Variants in FAM178B observed in about 807,000 individuals in gnomAD.
FAM178B encodes family with sequence similarity 178 member B, also known as protein FAM178B.
A neutral mutation model predicts 91.7 loss-of-function variants in FAM178B; 82 were observed. The ratio of observed to expected loss-of-function variants is 0.89; its 90% CI spans 0.75 to 1.07. The LOEUF (loss-of-function observed/expected upper bound fraction) is 1.07. Ranked by LOEUF, FAM178B falls within the 50% of genes least tolerant of loss-of-function variation. FAM178B has a pLI of 0.00. For missense variants in FAM178B, 769 were observed against 846.7 expected (o/e 0.91, Z 1.14); for synonymous variants, 368 against 359.4 (o/e 1.02, Z -0.27).
chr2:96,969,742 C>T (rs1433010596), intron 4 of FAM178B, among the ~76,000 whole-genome samples: 1 of 152,224 alleles, frequency 6.6e-6, no homozygotes, highest in Non-Finnish European at 1.5e-5. Flanking sequence ...AGGAGCTGAA[C>T]AACACAAGTT....
chr2:96,901,598 T>C (rs2080933456), intron 13 of FAM178B, among the ~76,000 whole-genome samples: 1 of 152,196 alleles, frequency 6.6e-6, no homozygotes, highest in Non-Finnish European at 1.5e-5. Context: ...ACAGTATTTG[T>C]TTTTATGCTT....
chr2:96,937,356 A>T (rs1474578174), intron 8 of FAM178B, among the ~76,000 whole-genome samples: 1 of 152,142 alleles, frequency 6.6e-6, no homozygotes, highest in South Asian at 2.1e-4. Context: ...TTTGGGCTCC[A>T]CTGAGCTAGG....
chr2:96,969,094 C>T (rs1438847150), intron 4 of FAM178B, among the ~76,000 whole-genome samples: 2 of 152,212 alleles, frequency 1.3e-5, no homozygotes, highest in African/African-American at 4.8e-5. Context: ...TCCTCCACGG[C>T]AACATGACAG....
intron 14 of FAM178B, among the ~76,000 whole-genome samples, chr2:96,880,974 C>T (rs1030198469): frequency 1.4e-4 from 21 of 151,468 alleles, no homozygotes; most frequent in Admixed American, 4.6e-4. Context: ...GGCATGGGAG[C>T]GGGACTTGGC....
chr2:96,925,481 G>A (rs183477952), intron 9 of FAM178B, among the ~76,000 whole-genome samples: 50 of 152,348 alleles, frequency 3.3e-4, no homozygotes, highest in African/African-American at 1.1e-3. Context: ...GGCATCTGTG[G>A]CTGCTGTTCT....
chr2:96,967,420 A>ATCAC, intron 5 of FAM178B, 100 bp downstream of exon 5: 1 of 669,052 alleles, frequency 1.5e-6, no homozygotes, highest in South Asian at 1.8e-5. Context: ...TAGTACACAA[A>ATCAC]TCACTGTACC....
intron 8 of FAM178B, among the ~76,000 whole-genome samples, chr2:96,936,496 G>A (rs569187482): frequency 2.1e-5 from 3 of 143,236 alleles, no homozygotes; most frequent in East Asian, 2.0e-4. Flanking sequence ...CACCACGCCC[G>A]GGTTTTTTTT....
chr2:96,972,135 C>T lies in FAM178B; in HGVS notation c.330G>A (p.Trp110Ter). 1 of 1,533,266 alleles carries T rather than the reference C, an allele frequency of 6.5e-7. No homozygotes were observed. The highest frequency in any genetic ancestry group is 8.8e-7 in the Non-Finnish European group (1 of 1,138,326). 95.0% of individuals were successfully genotyped at this position (1,533,266 alleles called of 1,614,324 possible). ...TGAGGAATTCCACGGGCGGGGGGCT[C>T]CAGTCAGTGGGAAACGTTTCCCCAG... is the stretch of plus-strand genomic sequence containing the variant. ...QAPGETFPTD[W>*]SPPPVEFLNP... The change falls in exon 3 of 17, where the codon TGG becomes TGA. Residue 110 changes from tryptophan (W) to a stop codon, truncating the protein, a stop_gained. Transcript: ENST00000490605. LOFTEE classifies it high-confidence loss of function.
At position 96,972,243 on chromosome 2, in the gene FAM178B, C is replaced by T. The variant is rs1224284633; in HGVS notation, c.222G>A (p.Gly74=). Residue 74 remains glycine (G), a synonymous_variant, in exon 3 of 17, where the codon GGG becomes GGA. Coordinates refer to ENST00000490605, the MANE Select transcript of FAM178B (RefSeq NM_001122646.3). ...AGGGCCGCCGGGCAGGGCAGCGGGG[C>T]CCCTGGTCCAGGGGATGGTCTGACA... is the stretch of plus-strand genomic sequence containing the variant. ...DGLSDHPLDQ[G]PRCPARRPCS... is the part of the protein sequence containing the mutation. The T allele has an allele frequency of 2.6e-6, 4 of 1,519,884 alleles. No homozygotes were observed. Among genetic ancestry groups the T allele is most frequent in the East Asian group, 2.5e-5 (1 of 40,794 alleles). 94.1% of individuals were successfully genotyped at this position (1,519,884 alleles called of 1,614,324 possible). A position where few individuals can be genotyped will look rare whatever the true frequency, so the allele number is the denominator to read the frequency against.
intron 8 of FAM178B, among the ~76,000 whole-genome samples, chr2:96,937,045 C>T (rs2081644081): frequency 8.1e-6 from 1 of 124,118 alleles, no homozygotes; most frequent in South Asian, 2.2e-4. Flanking sequence ...CACCACAATG[C>T]CCAGGTTTTG....
At chr2:96,985,331 C>A (rs1243137063) in intron 1 of FAM178B, among the ~76,000 whole-genome samples, 1 of 152,156 alleles carries the variant, frequency 6.6e-6, no homozygotes, top group African/African-American at 2.4e-5. Flanking sequence ...CTTGGCCATG[C>A]TCACTCTACA....
chr2:96,968,618 C>T (rs1389770188), intron 4 of FAM178B, among the ~76,000 whole-genome samples: 1 of 152,160 alleles, frequency 6.6e-6, no homozygotes, highest in Non-Finnish European at 1.5e-5. Flanking sequence ...CCTCCAATGA[C>T]CCATGTCTAC....
rs1451010454 is a variant in FAM178B, at chr2:96,986,354, G to C, written c.-41C>G. 1.3e-6 allele frequency: 2 copies of C among 1,527,254 alleles called. No homozygotes were observed. The highest frequency in any genetic ancestry group is 2.4e-5 in the South Asian group (2 of 83,294). 94.6% of individuals were successfully genotyped at this position (1,527,254 alleles called of 1,614,324 possible). On this transcript the variant is annotated 5_prime_UTR_variant, in exon 1 of 17. Transcript: ENST00000490605. ...GGGCTCCGGGGTGAGGGAGGGTGGC[G>C]GGAATTCGCACGGCCTCAGAGGACG...
chr2:96,951,317 G>C, intron 7 of FAM178B, 62 bp downstream of exon 7: 1 of 1,228,302 alleles, frequency 8.1e-7, no homozygotes, highest in Non-Finnish European at 1.2e-6. Context: ...TCAGCCTGTG[G>C]GCCTGCCGGG....
chr2:96,947,910 G>GAAAAAAAA lies in FAM178B; in HGVS notation c.994-16_994-9dup. 1 of 1,236,760 alleles carries GAAAAAAAA rather than the reference G, an allele frequency of 8.1e-7. No individual in the cohort carries two copies. Among genetic ancestry groups the GAAAAAAAA allele is most frequent in the African/African-American group, 1.6e-5 (1 of 61,926 alleles). The allele number at this position is 1,236,760 out of a possible 1,614,324, so 76.6% of individuals were successfully genotyped here. A position where few individuals can be genotyped will look rare whatever the true frequency, so the allele number is the denominator to read the frequency against. On this transcript the variant is annotated splice_polypyrimidine_tract_variant and intron_variant, in intron 7 of 16. Coordinates refer to ENST00000490605, the MANE Select transcript of FAM178B (RefSeq NM_001122646.3). ...TGGAGGCCATGTCAGCAGCTAGGTG[G>GAAAAAAAA]AAAAAAAAAACAAAAACAAAAACCT... is the stretch of plus-strand genomic sequence containing the variant.
intron 9 of FAM178B, among the ~76,000 whole-genome samples, chr2:96,924,048 G>A (rs897365346): frequency 1.3e-5 from 2 of 152,210 alleles, no homozygotes; most frequent in East Asian, 1.9e-4. Context: ...ACACAGGGCC[G>A]ACCTGACTTG....
At chr2:96,906,459 G>A (rs550977724) in intron 12 of FAM178B, among the ~76,000 whole-genome samples, 70 of 152,206 alleles carry the variant, frequency 4.6e-4, no homozygotes, top group African/African-American at 1.6e-3. Context: ...CTCCATGCCT[G>A]ACTGTGAAGG....
chr2:96,908,617 C>T (rs556163426), intron 12 of FAM178B, among the ~76,000 whole-genome samples: 17 of 152,270 alleles, frequency 1.1e-4, no homozygotes, highest in South Asian at 4.1e-4. Flanking sequence ...CAGGAGGGAA[C>T]GCCTGGCAGG....
chr2:96,951,548 C>T (rs1322906639), intron 6 of FAM178B, 64 bp from the exon 7 acceptor site: 18 of 1,254,200 alleles, frequency 1.4e-5, no homozygotes, highest in Non-Finnish European at 1.9e-5. Flanking sequence ...TCGGTGACAC[C>T]GCGGGAGGCT....
Sources: allele counts gnomAD v4.1 joint callset (sites outside exome capture counted in the v4.1 genomes callset), GRCh38; gene constraint gnomAD v4.1.1; transcripts MANE v1.5; gene names NCBI Gene and HGNC (gene_info 2026-07-23, HGNC 2026-07-21).